LIPI: variants seen among roughly 807,000 people sequenced by gnomAD.
LIPI encodes lipase member I.
A neutral mutation model predicts 50.6 loss-of-function variants in LIPI; 59 were observed. The observed-to-expected ratio is 1.16, with a 90% CI of 0.94 to 1.45. The LOEUF (loss-of-function observed/expected upper bound fraction) is 1.45. Among genes scored for constraint, LIPI ranks in the 40% most tolerant of loss-of-function variants. The pLI, the probability that LIPI is intolerant of heterozygous loss-of-function variation, is 0.00. For missense variants in LIPI, 586 were observed against 536.3 expected (o/e 1.09, Z -0.92); for synonymous variants, 203 against 178.2 (o/e 1.14, Z -1.11).
At chr21:14,191,126 C>T (rs145684521) in intron 1 of LIPI, among the ~76,000 whole-genome samples, 1 of 151,928 alleles carries the variant, frequency 6.6e-6, no homozygotes, top group Admixed American at 6.6e-5. Context: ...TGCCTGTAAT[C>T]CCAGCTACTC....
intron 7 of LIPI, among the ~76,000 whole-genome samples, chr21:14,154,060 T>A (rs1489128488): frequency 6.6e-6 from 1 of 152,160 alleles, no homozygotes; most frequent in Non-Finnish European, 1.5e-5. Context: ...GAGTTTTTTA[T>A]ATCAAAGATA....
In LIPI at chr21:14,108,893, G is replaced by T; in HGVS notation, c.*100C>A. On this transcript the variant is annotated 3_prime_UTR_variant, in exon 10 of 10. Transcript: ENST00000681601. ...TTTTTTCCAAGAAATAGAAATACTT[G>T]AATCTCAAATTGAACAGTGCATTAT... The T allele has an allele frequency of 7.1e-7, 1 of 1,410,736 alleles. No individual in the cohort carries two copies. Among genetic ancestry groups the T allele is most frequent in the East Asian group, 2.3e-5 (1 of 43,378 alleles). The allele number at this position is 1,410,736 out of a possible 1,614,324, so 87.4% of individuals were successfully genotyped here.
intron 8 of LIPI, 94 bp from the exon 9 acceptor site, chr21:14,144,893 G>A: frequency 1.3e-6 from 1 of 782,486 alleles, no homozygotes; most frequent in East Asian, 2.7e-5. Context: ...AGGCCACAGA[G>A]AACAAAATTA....
intron 1 of LIPI, among the ~76,000 whole-genome samples, chr21:14,201,671 T>A (rs1257371711): frequency 6.6e-6 from 1 of 152,104 alleles, no homozygotes; most frequent in Admixed American, 6.6e-5. Context: ...AATTAGGTAT[T>A]GATGGGACGT....
chr21:14,176,169 C>T (rs1192406117), intron 4 of LIPI, among the ~76,000 whole-genome samples: 1 of 114,638 alleles, frequency 8.7e-6, no homozygotes, highest in Non-Finnish European at 2.0e-5. Flanking sequence ...CAGTGAGACT[C>T]CGTCTCAAAA....
At chr21:14,134,994 A>G (rs1233676596) in intron 9 of LIPI, among the ~76,000 whole-genome samples, 1 of 152,332 alleles carries the variant, frequency 6.6e-6, no homozygotes, top group East Asian at 1.9e-4. Flanking sequence ...AACCGAGTAA[A>G]CAGAAAACTT....
At chr21:14,164,202 G>A (rs996364955) in intron 6 of LIPI, among the ~76,000 whole-genome samples, 1 of 151,846 alleles carries the variant, frequency 6.6e-6, no homozygotes, top group African/African-American at 2.4e-5. Context: ...TTTGAATATG[G>A]TAGAAAGAAT....
intron 9 of LIPI, among the ~76,000 whole-genome samples, chr21:14,137,144 C>A (rs981735349): frequency 2.0e-5 from 3 of 152,098 alleles, no homozygotes; most frequent in African/African-American, 7.2e-5. Flanking sequence ...GTGAGGACTA[C>A]AATAAACACC....
chr21:14,154,236 A>G (rs79952878), intron 7 of LIPI, among the ~76,000 whole-genome samples: 4,747 of 152,188 alleles, frequency 0.031, 246 homozygotes, highest in African/African-American at 0.1. Context: ...AAAATTAGAT[A>G]GAAGATAAAT....
At chr21:14,160,965 A>G (rs2018440249) in intron 7 of LIPI, among the ~76,000 whole-genome samples, 1 of 151,446 alleles carries the variant, frequency 6.6e-6, no homozygotes, top group East Asian at 1.9e-4. Context: ...TTTTAAAATA[A>G]TGACACCACC....
At chr21:14,109,124 T>A in intron 9 of LIPI, 44 bp from the exon 10 acceptor site, 1 of 1,470,912 alleles carries the variant, frequency 6.8e-7, no homozygotes, top group Non-Finnish European at 9.5e-7. Flanking sequence ...TAACTATTAG[T>A]AAAACAACAG....
intron 3 of LIPI, 37 bp downstream of exon 3, chr21:14,185,924 G>A: frequency 2.6e-6 from 3 of 1,150,758 alleles, no homozygotes; most frequent in Non-Finnish European, 3.9e-6. Context: ...ATACTTAAAA[G>A]TATGCTAAAG....
chr21:14,149,903 G>C (rs911526882), intron 8 of LIPI, among the ~76,000 whole-genome samples: 1 of 152,190 alleles, frequency 6.6e-6, no homozygotes, highest in Non-Finnish European at 1.5e-5. Flanking sequence ...GTGTCTGCAG[G>C]TTTTCCAGGT....
At chr21:14,144,590 T>C in intron 9 of LIPI, 33 bp downstream of exon 9, 2 of 1,190,068 alleles carry the variant, frequency 1.7e-6, no homozygotes, top group Non-Finnish European at 2.5e-6. Context: ...GTTTAAAAGA[T>C]AACATGTTGA....
chr21:14,143,487 T>G (rs994011509), intron 9 of LIPI: 1 of 152,288 alleles, frequency 6.6e-6, no homozygotes, highest in East Asian at 1.9e-4. Flanking sequence ...TCATTTATTA[T>G]TTTTATTTTT....
At chr21:14,149,344 A>G (rs945966982) in intron 8 of LIPI, among the ~76,000 whole-genome samples, 8 of 152,224 alleles carry the variant, frequency 5.3e-5, no homozygotes, top group Non-Finnish European at 1.0e-4. Flanking sequence ...TGATTCAATT[A>G]TCTCCACCTG....
chr21:14,175,971 G>T (rs1600900780), intron 4 of LIPI, among the ~76,000 whole-genome samples: 1 of 152,086 alleles, frequency 6.6e-6, no homozygotes, highest in Non-Finnish European at 1.5e-5. Flanking sequence ...AAGGTCAGGA[G>T]ATCCAGACCG....
chr21:14,118,438 G>A (rs112831141), intron 9 of LIPI, among the ~76,000 whole-genome samples: 3 of 152,162 alleles, frequency 2.0e-5, no homozygotes, highest in South Asian at 2.1e-4. Context: ...ACTGGAGACC[G>A]AAAAGTCCAA....
rs2018683611 is a variant in LIPI, at chr21:14,166,351, T to A, written c.733+11A>T. 1 of 1,418,180 alleles carries A rather than the reference T, an allele frequency of 7.1e-7. No individual in the cohort carries two copies. Among genetic ancestry groups the A allele is most frequent in the South Asian group, 1.1e-5 (1 of 87,022 alleles). The allele number at this position is 1,418,180 out of a possible 1,614,324, so 87.8% of individuals were successfully genotyped here. On this transcript the variant is annotated intron_variant, in intron 5 of 9. Transcript: ENST00000681601. ...TATTATGTAGTTCATTCAAAAATACTGTCAGTATACCTGAGAAAATTGATT... is the reference window on the plus strand; with the variant it reads ...TATTATGTAGTTCATTCAAAAATACAGTCAGTATACCTGAGAAAATTGATT...
Sources: allele counts gnomAD v4.1 joint callset (sites outside exome capture counted in the v4.1 genomes callset), GRCh38; gene constraint gnomAD v4.1.1; transcripts MANE v1.5; gene names NCBI Gene and HGNC (gene_info 2026-07-23, HGNC 2026-07-21).